GLS2: variants seen among roughly 807,000 people sequenced by gnomAD.
The protein encoded by GLS2 is glutaminase liver isoform, mitochondrial.
A neutral mutation model predicts 79.0 loss-of-function variants in GLS2; 52 were observed. That is an observed-to-expected ratio of 0.66 (90% CI 0.53 to 0.83). GLS2 has a LOEUF of 0.83. GLS2 is among the 40% of genes least tolerant of loss of function. The probability of loss-of-function intolerance (pLI) is 0.00; values close to 1 mark genes in which losing one functional copy is unlikely to be tolerated. For synonymous variants in GLS2, 238 were observed against 280.8 expected, an observed-to-expected ratio of 0.85 and a Z score of 1.52; for missense variants, 561 against 764.8, an observed-to-expected ratio of 0.73 and a Z score of 3.14.
At chr12:56,475,769 G>A in intron 8 of GLS2, 87 bp from the exon 9 acceptor site, 2 of 1,489,712 alleles carry the variant, frequency 1.3e-6, no homozygotes, top group South Asian at 2.3e-5. Flanking sequence ...TCTGAACTCA[G>A]GTCTTGTCAA....
intron 1 of GLS2, among the ~76,000 whole-genome samples, 180 bp downstream of exon 1, chr12:56,487,757 A>C (rs1870805204): frequency 6.6e-6 from 1 of 152,262 alleles, no homozygotes; most frequent in African/African-American, 2.4e-5. Flanking sequence ...GGCAGACGGC[A>C]GATTACCGCC....
At chr12:56,479,451 A>T (rs968977725) in intron 3 of GLS2, 2 of 401,208 alleles carry the variant, frequency 5.0e-6, no homozygotes, top group Non-Finnish European at 8.7e-6. Flanking sequence ...TTACCTTGAT[A>T]TTTAAAAAAT....
In GLS2 at chr12:56,473,563, C is replaced by G; in HGVS notation, c.1256G>C (p.Gly419Ala). 6.2e-7 allele frequency: 1 copy of G among 1,612,664 alleles called. No homozygotes were observed. The highest frequency in any genetic ancestry group is 8.5e-7 in the Non-Finnish European group (1 of 1,179,848). The change falls in exon 13 of 18, where the codon GGA (glycine) becomes GCA (alanine). Residue 419 changes from glycine (G) to alanine (A), a missense_variant. By Grantham distance (60) the Gly-to-Ala change is moderately conservative. Coordinates refer to ENST00000311966, the MANE Select transcript of GLS2 (RefSeq NM_013267.4). ...VGLPAKSAVS[G>A]AILLVVPNVM... ...ATTGGGTACCACCAGGAGGATGGCT[C>G]CTGATACAGCTGACTTGGCTGGCAG...
At chr12:56,473,085 T>C in intron 14 of GLS2, 143 bp downstream of exon 14, 1 of 737,290 alleles carries the variant, frequency 1.4e-6, no homozygotes, top group East Asian at 2.7e-5. Flanking sequence ...GAGACCAGGT[T>C]TCACCGTGTT....
chr12:56,487,606 G>A (rs1318514238), intron 1 of GLS2: 1 of 412,670 alleles, frequency 2.4e-6, no homozygotes, highest in Non-Finnish European at 4.3e-6. Flanking sequence ...GACTAGGGAA[G>A]GTGAGGACTG....
intron 12 of GLS2, chr12:56,474,156 A>G (rs1284755282): frequency 4.5e-6 from 1 of 221,838 alleles, no homozygotes; most frequent in African/African-American, 2.4e-5. Context: ...GCAATGGCAC[A>G]ATCTCGGCTC....
intron 1 of GLS2, chr12:56,487,692 T>C (rs1870798320): frequency 1.8e-6 from 1 of 554,764 alleles, no homozygotes; most frequent in African/African-American, 2.0e-5. Flanking sequence ...CCGGGTTAAG[T>C]GCGCACCTTG....
chr12:56,473,398 A>C, intron 13 of GLS2, 65 bp downstream of exon 13: 1 of 1,604,620 alleles, frequency 6.2e-7, no homozygotes, highest in Non-Finnish European at 8.5e-7. Flanking sequence ...ATTATAGTAA[A>C]AGTGGTACCA....
At chr12:56,472,854 A>C in intron 14 of GLS2, 103 bp from the exon 15 acceptor site, 1 of 884,162 alleles carries the variant, frequency 1.1e-6, no homozygotes. Context: ...GTATTGCTGA[A>C]GTGTTATGGA....
Position 56,474,438 on chromosome 12 carries a change from T to G in GLS2, c.1224+106A>C. 5 of 1,401,692 alleles carry G rather than the reference T, an allele frequency of 3.6e-6. No homozygotes were observed. In the South Asian group the frequency reaches 6.3e-5, roughly 18 times the overall value. 86.8% of individuals were successfully genotyped at this position (1,401,692 alleles called of 1,614,324 possible). ...ACCTAATTGCCTTCCTGGAAGTTAGTGAATGAGAGGCAGGAACAAGCTTCC... is the reference window on the plus strand; with the variant it reads ...ACCTAATTGCCTTCCTGGAAGTTAGGGAATGAGAGGCAGGAACAAGCTTCC... On this transcript the variant is annotated intron_variant, in intron 12 of 17. Coordinates refer to ENST00000311966, the MANE Select transcript of GLS2 (RefSeq NM_013267.4).
Position 56,472,203 on chromosome 12 carries a change from T to C in GLS2, c.1512-8A>G, listed in dbSNP as rs746549223. On this transcript the variant is annotated splice_polypyrimidine_tract_variant and splice_region_variant and intron_variant, in intron 15 of 17. Transcript: ENST00000311966. ...ATGGCTGACAAGGCAAACCTGAGGG[T>C]AGTGGGAAAGCAGCTAGAGTTGCCT... is the stretch of plus-strand genomic sequence containing the variant. The C allele has an allele frequency of 1.1e-5, 17 of 1,613,696 alleles. No individual in the cohort carries two copies. In the Admixed American group the frequency reaches 2.7e-4, roughly 25 times the overall value.
chr12:56,480,451 T>G, intron 1 of GLS2, 64 bp from the exon 2 acceptor site: 1 of 1,232,570 alleles, frequency 8.1e-7, no homozygotes, highest in Non-Finnish European at 1.2e-6. Flanking sequence ...CTCCTCCTTC[T>G]GCAACATGGG....
chr12:56,473,004 C>T, intron 14 of GLS2: 6 of 595,522 alleles, frequency 1.0e-5, no homozygotes, highest in Non-Finnish European at 1.7e-5. Context: ...ATTCTCCTGC[C>T]TCAGCCTCCC....
Position 56,477,642 on chromosome 12 carries a change from G to A in GLS2, c.837+18C>T. On this transcript the variant is annotated intron_variant, in intron 7 of 17. Coordinates refer to ENST00000311966, the MANE Select transcript of GLS2 (RefSeq NM_013267.4). ...GCTTAGAGGATAATACCTATCAGAA[G>A]GTTAAGGTGGCACTGACCTTGATCA... 6.2e-7 allele frequency: 1 copy of A among 1,610,388 alleles called. No homozygotes were observed. Among genetic ancestry groups the A allele is most frequent in the Non-Finnish European group, 8.5e-7 (1 of 1,177,660 alleles).
chr12:56,477,821 G>C, intron 6 of GLS2, 103 bp from the exon 7 acceptor site: 1 of 1,534,518 alleles, frequency 6.5e-7, no homozygotes, highest in Non-Finnish European at 8.9e-7. Context: ...AGGGAGAAAG[G>C]CATGACAGGG....
At chr12:56,478,139 G>A (rs979577835) in intron 5 of GLS2, 43 bp from the exon 6 acceptor site, 9 of 1,614,038 alleles carry the variant, frequency 5.6e-6, no homozygotes, top group South Asian at 3.3e-5. Flanking sequence ...GCCTGTGTTC[G>A]GCACCTGTGC....
In GLS2 at chr12:56,474,864, G is replaced by GAA. The variant is rs752017742; in HGVS notation, c.1028_1029insTT (p.Leu344SerfsTer39). ...TTCTTACCTGGAAGTAGAGATCAAG[G>GAA]GCAGCCATCATGTCCACCCCCTTAG... On this transcript the variant is annotated frameshift_variant, in exon 11 of 18. Coordinates refer to ENST00000311966, the MANE Select transcript of GLS2 (RefSeq NM_013267.4). LOFTEE classifies it high-confidence loss of function. 1 of 1,614,124 alleles carries GAA rather than the reference G, an allele frequency of 6.2e-7. No individual in the cohort carries two copies. Among genetic ancestry groups the GAA allele is most frequent in the Non-Finnish European group, 8.5e-7 (1 of 1,180,018 alleles).
intron 4 of GLS2, 142 bp from the exon 5 acceptor site, chr12:56,478,404 C>T (rs533187243): frequency 1.8e-5 from 14 of 762,680 alleles, no homozygotes; most frequent in Non-Finnish European, 2.8e-5. Flanking sequence ...GCCTGTTGCT[C>T]CCAGAAATGC....
chr12:56,472,270 C>A, intron 15 of GLS2, 75 bp from the exon 16 acceptor site: 1 of 1,344,454 alleles, frequency 7.4e-7, no homozygotes, highest in South Asian at 1.2e-5. Context: ...GAACTGGTGT[C>A]AGACTGGATG....
Sources: allele counts gnomAD v4.1 joint callset (sites outside exome capture counted in the v4.1 genomes callset), GRCh38; gene constraint gnomAD v4.1.1; transcripts MANE v1.5; gene names NCBI Gene and HGNC (gene_info 2026-07-23, HGNC 2026-07-21).